The following LRP1B variants were observed in gnomAD, a reference collection of about 807,000 sequenced individuals.
LRP1B encodes the protein LDL receptor related protein 1B, also known as low-density lipoprotein receptor-related protein 1B.
Under a neutral mutation model 556.6 loss-of-function variants are expected in LRP1B, and 217 were observed. That is an observed-to-expected ratio of 0.39 (90% CI 0.35 to 0.44). The LOEUF (loss-of-function observed/expected upper bound fraction) is 0.44, where lower values mean the gene tolerates loss of function less well. LRP1B is among the 20% of genes least tolerant of loss of function. The pLI, the probability that LRP1B is intolerant of heterozygous loss-of-function variation, is 1.00. For synonymous variants in LRP1B, 2,047 were observed against 1,865.8 expected, an observed-to-expected ratio of 1.10 and a Z score of -2.50; for missense variants, 5,053 against 5,620.8, an observed-to-expected ratio of 0.90 and a Z score of 3.23.
At chr2:141,838,845 A>T (rs571321062) in intron 1 of LRP1B, among the ~76,000 whole-genome samples, 1 of 152,156 alleles carries the variant, frequency 6.6e-6, no homozygotes, top group African/African-American at 2.4e-5. Flanking sequence ...AATTCAGATT[A>T]GTATTTGCTT....
intron 77 of LRP1B, among the ~76,000 whole-genome samples, chr2:140,348,776 A>G (rs1323747781): frequency 6.6e-6 from 1 of 152,132 alleles, no homozygotes; most frequent in African/African-American, 2.4e-5. Flanking sequence ...ATACATAAAT[A>G]TATTTGCATG....
chr2:141,600,785 G>C (rs899720299), intron 2 of LRP1B, among the ~76,000 whole-genome samples: 1 of 151,956 alleles, frequency 6.6e-6, no homozygotes, highest in African/African-American at 2.4e-5. Flanking sequence ...CCCCTGTTTT[G>C]TACCTGTGCC....
At chr2:140,631,231 A>C (rs752292417) in intron 41 of LRP1B, among the ~76,000 whole-genome samples, 1 of 152,174 alleles carries the variant, frequency 6.6e-6, no homozygotes, top group Non-Finnish European at 1.5e-5. Flanking sequence ...CAGTTCATAA[A>C]CCTGATACAT....
intron 87 of LRP1B, 49 bp from the exon 88 acceptor site, chr2:140,239,581 A>C (rs1163588997): frequency 1.6e-6 from 2 of 1,233,120 alleles, no homozygotes; most frequent in African/African-American, 1.5e-5. Context: ...AAATGAAGTA[A>C]AAATTGATAA....
intron 32 of LRP1B, among the ~76,000 whole-genome samples, chr2:140,777,917 GAAAAAAGTA>G (rs1358986291): frequency 1.3e-5 from 2 of 151,438 alleles, no homozygotes; most frequent in Non-Finnish European, 2.9e-5. Context: ...AAAATGGTAG[GAAAAAAGTA>G]AAAAAAAGAT....
At chr2:141,923,879 G>GTAT (rs1369456016) in intron 1 of LRP1B, among the ~76,000 whole-genome samples, 1 of 151,886 alleles carries the variant, frequency 6.6e-6, no homozygotes, top group Non-Finnish European at 1.5e-5. Context: ...CATCTGCAAG[G>GTAT]TATTAAACTA....
chr2:140,566,271 C>T (rs147515845), intron 43 of LRP1B, among the ~76,000 whole-genome samples: 3,060 of 152,234 alleles, frequency 0.02, 42 homozygotes, highest in Middle Eastern at 0.071. Flanking sequence ...CAGGTGAGCC[C>T]TACCCCTAGA....
intron 7 of LRP1B, among the ~76,000 whole-genome samples, chr2:141,152,543 T>C (rs1290708166): frequency 1.3e-5 from 2 of 151,916 alleles, no homozygotes; most frequent in Non-Finnish European, 2.9e-5. Flanking sequence ...GACATCTTGC[T>C]AGACTCCCAA....
At chr2:141,131,218 A>G (rs1312891465) in intron 7 of LRP1B, among the ~76,000 whole-genome samples, 2 of 152,072 alleles carry the variant, frequency 1.3e-5, no homozygotes, top group African/African-American at 2.4e-5. Context: ...ACATAACTCC[A>G]TTGTAAGTCA....
chr2:140,262,839 AGTCTGC>A (rs1438860980), intron 86 of LRP1B, among the ~76,000 whole-genome samples: 1 of 152,168 alleles, frequency 6.6e-6, no homozygotes, highest in Non-Finnish European at 1.5e-5. Context: ...CAGTGGTAGC[AGTCTGC>A]AAGAGGAGTG....
intron 3 of LRP1B, among the ~76,000 whole-genome samples, chr2:141,384,206 G>A (rs763116715): frequency 6.0e-4 from 91 of 151,830 alleles, no homozygotes; most frequent in African/African-American, 1.9e-3. Context: ...TTTCAAAGAC[G>A]TTAAAAAGTG....
chr2:140,384,195 C>T (rs985384482), intron 67 of LRP1B, among the ~76,000 whole-genome samples: 8 of 152,162 alleles, frequency 5.3e-5, no homozygotes, highest in Non-Finnish European at 8.8e-5. Context: ...CTTCTGCTTT[C>T]AACATCCTTC....
chr2:142,054,552 C>T (rs1452561015), intron 1 of LRP1B, among the ~76,000 whole-genome samples: 1 of 152,002 alleles, frequency 6.6e-6, no homozygotes, highest in East Asian at 1.9e-4. Flanking sequence ...TTTCTCATAC[C>T]CAAAGCCAGA....
At chr2:141,509,296 T>G (rs527968087) in intron 2 of LRP1B, among the ~76,000 whole-genome samples, 1 of 152,068 alleles carries the variant, frequency 6.6e-6, no homozygotes, top group African/African-American at 2.4e-5. Context: ...TTATTTAACA[T>G]TGGGGTTGGG....
chr2:141,251,423 G>A (rs1397158260), intron 4 of LRP1B, among the ~76,000 whole-genome samples: 1 of 152,132 alleles, frequency 6.6e-6, no homozygotes, highest in Non-Finnish European at 1.5e-5. Context: ...AAAGGAGGAG[G>A]GGATGGGAAT....
intron 7 of LRP1B, among the ~76,000 whole-genome samples, chr2:141,110,006 A>G (rs912273125): frequency 6.6e-6 from 1 of 152,194 alleles, no homozygotes; most frequent in African/African-American, 2.4e-5. Context: ...AACTCCATAC[A>G]GGAGTCAGAG....
intron 1 of LRP1B, among the ~76,000 whole-genome samples, chr2:141,832,325 T>TCACACA (rs1394312046): frequency 1.2e-5 from 1 of 86,276 alleles, no homozygotes; most frequent in East Asian, 2.3e-4. Context: ...TCTCTTTCTC[T>TCACACA]CTCACACACA....
chr2:140,813,712 T>G lies in LRP1B; in HGVS notation c.5304A>C (p.Glu1768Asp). ...NRCNLDGGNL[E>D]VIESMKEELT... ...ATTCTTCTTTCATTGACTCGATTAC[T>G]TCTAAATTACCACCATCCAGGTTGC... Residue 1768 changes from glutamate (E) to aspartate (D), a missense_variant, in exon 32 of 91, where the codon GAA becomes GAC. Physicochemically the swap from Glu to Asp is conservative, Grantham distance 45. Transcript: ENST00000389484. 1 of 1,612,978 alleles carries G rather than the reference T, an allele frequency of 6.2e-7. No individual in the cohort carries two copies. Among genetic ancestry groups the G allele is most frequent in the Non-Finnish European group, 8.5e-7 (1 of 1,179,064 alleles).
At chr2:140,475,640 T>C (rs1383591782) in intron 59 of LRP1B, among the ~76,000 whole-genome samples, 1 of 151,602 alleles carries the variant, frequency 6.6e-6, no homozygotes, top group Non-Finnish European at 1.5e-5. Flanking sequence ...CTAATATATG[T>C]AAACTTTCAA....
Sources: allele counts gnomAD v4.1 joint callset (sites outside exome capture counted in the v4.1 genomes callset), GRCh38; gene constraint gnomAD v4.1.1; transcripts MANE v1.5; gene names NCBI Gene and HGNC (gene_info 2026-07-23, HGNC 2026-07-21).